UTRN: variants seen among roughly 807,000 people sequenced by gnomAD.
The protein encoded by UTRN is utrophin.
A neutral mutation model predicts 463.9 loss-of-function variants in UTRN; 283 were observed. The ratio of observed to expected loss-of-function variants is 0.61; its 90% CI spans 0.55 to 0.67. The LOEUF (loss-of-function observed/expected upper bound fraction) is 0.67, where lower values mean the gene tolerates loss of function less well. UTRN is among the 30% of genes least tolerant of loss of function. The pLI is 0.00. For missense variants in UTRN, 3,922 were observed against 4,084.3 expected (o/e 0.96, Z 1.08); for synonymous variants, 1,442 against 1,431.5 (o/e 1.01, Z -0.17).
chr6:144,540,839 A>G (rs1797920631), intron 45 of UTRN, among the ~76,000 whole-genome samples: 1 of 152,244 alleles, frequency 6.6e-6, no homozygotes, highest in Non-Finnish European at 1.5e-5. Flanking sequence ...TTTATTGGAT[A>G]GCCAGATGGC....
intron 60 of UTRN, among the ~76,000 whole-genome samples, chr6:144,778,933 C>G (rs1775576883): frequency 6.6e-6 from 1 of 152,090 alleles, no homozygotes; most frequent in South Asian, 2.1e-4. Flanking sequence ...TTAAAGGTAC[C>G]TAAATGTGAC....
At chr6:144,474,168 C>T (rs1175369550) in intron 24 of UTRN, among the ~76,000 whole-genome samples, 2 of 149,872 alleles carry the variant, frequency 1.3e-5, no homozygotes, top group East Asian at 2.0e-4. Flanking sequence ...TGAGAAGTGT[C>T]TGTTCATCAA....
intron 2 of UTRN, among the ~76,000 whole-genome samples, chr6:144,335,922 G>A (rs1022755130): frequency 6.6e-6 from 1 of 152,036 alleles, no homozygotes; most frequent in African/African-American, 2.4e-5. Flanking sequence ...GCTCTAAGTT[G>A]TCACAAGTAG....
intron 4 of UTRN, 45 bp from the exon 5 acceptor site, chr6:144,423,504 T>C (rs1785033064): frequency 6.3e-7 from 1 of 1,584,712 alleles, no homozygotes; most frequent in African/African-American, 1.3e-5. Context: ...GTCAGGCATA[T>C]GGAGGGACAA....
rs1399913993 is a variant in UTRN at position 144,479,960 on chromosome 6, A to T, written c.3485A>T (p.Glu1162Val). Reference sequence around the variant, plus strand: ...GAGTACAAGTCACCAGAAGAGCTTGAGAGTGCTGTGGAAGAGATGAAGGTG... The same window carrying T: ...GAGTACAAGTCACCAGAAGAGCTTGTGAGTGCTGTGGAAGAGATGAAGGTG... ...DFEYKSPEEL[E>V]SAVEEMKRAK... The change falls in exon 26 of 75, where the codon GAG becomes GTG. Residue 1162 changes from glutamate to valine, a missense_variant. Physicochemically the swap from Glu to Val is moderately radical, Grantham distance 121. This residue lies in a region of UTRN where 2,349 missense variants were observed against 2,303.8 expected (regional missense o/e 1.02). Coordinates refer to ENST00000367545, the MANE Select transcript of UTRN (RefSeq NM_007124.3). 11 of 1,614,162 alleles carry T rather than the reference A, an allele frequency of 6.8e-6. No homozygotes were observed. Among genetic ancestry groups the T allele is most frequent in the Admixed American group, 1.7e-5 (1 of 60,012 alleles).
intron 53 of UTRN, among the ~76,000 whole-genome samples, chr6:144,701,145 G>C (rs1784553259): frequency 6.6e-6 from 1 of 152,112 alleles, no homozygotes; most frequent in South Asian, 2.1e-4. Flanking sequence ...GACCTCAGGT[G>C]ATCTGTCTTC....
intron 25 of UTRN, 122 bp downstream of exon 25, chr6:144,474,881 A>T: frequency 8.7e-7 from 1 of 1,149,990 alleles, no homozygotes; most frequent in Non-Finnish European, 1.2e-6. Context: ...TAACTCCAGC[A>T]TGGGTAGTGA....
In UTRN at chr6:144,574,700, G is replaced by A. The variant is rs150339033; in HGVS notation, c.7290-2399G>A. On this transcript the variant is annotated intron_variant, in intron 50 of 74. Transcript: ENST00000367545. ...AATTCAAGCAATTCTTACTGCCTCA[G>A]CCTCCTGAGTAGCTGGGATTACAGG... Among the ~76,000 whole-genome samples the A allele has an allele frequency of 4.6e-3, 700 of 152,188 alleles. 3 individuals are homozygous for A. The highest frequency in any genetic ancestry group is 9.3e-3 in the Admixed American group (142 of 15,286).
intron 65 of UTRN, among the ~76,000 whole-genome samples, chr6:144,819,911 C>CCTCCTCTCTCT (rs11397588): frequency 1.6e-4 from 19 of 118,596 alleles, no homozygotes; most frequent in African/African-American, 7.3e-4. Context: ...TCCTCCTCCT[C>CCTCCTCTCTCT]CTCTCTCTCT....
At chr6:144,553,193 A>G (rs1692317749) in intron 48 of UTRN, among the ~76,000 whole-genome samples, 1 of 152,096 alleles carries the variant, frequency 6.6e-6, no homozygotes. Context: ...ACCTGCCACC[A>G]TGCCCAGCTA....
At chr6:144,512,981 G>A (rs1199313558) in intron 35 of UTRN, among the ~76,000 whole-genome samples, 2 of 151,988 alleles carry the variant, frequency 1.3e-5, no homozygotes, top group African/African-American at 4.8e-5. Context: ...CATAAGTCTC[G>A]TTACCCTTTT....
intron 51 of UTRN, among the ~76,000 whole-genome samples, chr6:144,647,645 G>T (rs73778363): frequency 6.6e-6 from 1 of 152,330 alleles, no homozygotes; most frequent in East Asian, 1.9e-4. Flanking sequence ...CTTGCTAAAA[G>T]TCCTGTTACA....
rs917149516 is a variant in UTRN, at chr6:144,291,805, G to T, written c.-24G>T. On this transcript the variant is annotated 5_prime_UTR_variant, in exon 2 of 75. Coordinates refer to ENST00000367545, the MANE Select transcript of UTRN (RefSeq NM_007124.3). ...AGAAAGAGGACTTGGTAAAGTTTTTGGATTATCTTGAAACTCTGGCAAGAT... is the reference window on the plus strand; with the variant it reads ...AGAAAGAGGACTTGGTAAAGTTTTTTGATTATCTTGAAACTCTGGCAAGAT... 1 of 1,605,584 alleles carries T rather than the reference G, an allele frequency of 6.2e-7. No homozygotes were observed. Among genetic ancestry groups the T allele is most frequent in the Non-Finnish European group, 8.5e-7 (1 of 1,176,790 alleles).
intron 23 of UTRN, among the ~76,000 whole-genome samples, chr6:144,467,898 T>G (rs528651554): frequency 6.6e-6 from 1 of 152,302 alleles, no homozygotes; most frequent in African/African-American, 2.4e-5. Context: ...TGTCATTGTT[T>G]GTCTTCCCTA....
chr6:144,314,509 A>G (rs767081451), intron 2 of UTRN, among the ~76,000 whole-genome samples: 1 of 152,206 alleles, frequency 6.6e-6, no homozygotes, highest in Non-Finnish European at 1.5e-5. Flanking sequence ...AACCTCCTTC[A>G]TGGTAAAACT....
chr6:144,388,462 A>C (rs374989931), intron 2 of UTRN, among the ~76,000 whole-genome samples: 24 of 149,082 alleles, frequency 1.6e-4, no homozygotes, highest in African/African-American at 5.0e-4. Context: ...ACAGGTGTGG[A>C]CCATTCTGCC....
chr6:144,514,592 C>G, intron 36 of UTRN, 58 bp from the exon 37 acceptor site: 1 of 1,545,900 alleles, frequency 6.5e-7, no homozygotes, highest in East Asian at 2.2e-5. Flanking sequence ...ATAAGCATCA[C>G]ACTCATGTTT....
intron 53 of UTRN, among the ~76,000 whole-genome samples, chr6:144,705,612 C>T (rs1785008714): frequency 1.3e-5 from 2 of 152,058 alleles, no homozygotes; most frequent in Non-Finnish European, 2.9e-5. Context: ...TTCCAAAGAC[C>T]CACCTCCCAA....
At chr6:144,589,407 A>G (rs1004216526) in intron 51 of UTRN, among the ~76,000 whole-genome samples, 1 of 152,208 alleles carries the variant, frequency 6.6e-6, no homozygotes, top group Admixed American at 6.5e-5. Flanking sequence ...GATAGATAGG[A>G]AAGAAATTTG....
Sources: gnomAD v4.1 joint callset for allele counts (sites outside exome capture counted in the v4.1 genomes callset) on GRCh38, gnomAD v4.1.1 for gene constraint, gnomAD v4.1.1 regional missense constraint, MANE v1.5 for transcripts, NCBI Gene and HGNC (gene_info 2026-07-23, HGNC 2026-07-21) for gene names.